Variants in MYH14 observed in about 807,000 individuals in gnomAD.
MYH14 encodes the protein myosin heavy chain 14.
Under a neutral mutation model 255.5 loss-of-function variants are expected in MYH14, and 123 were observed. The ratio of observed to expected loss-of-function variants is 0.48; its 90% CI spans 0.42 to 0.56. The LOEUF (loss-of-function observed/expected upper bound fraction) is 0.56. MYH14 is among the 20% of genes least tolerant of loss of function. The pLI is 0.00. For synonymous variants in MYH14, 1,095 were observed against 1,161.2 expected, an observed-to-expected ratio of 0.94 and a Z score of 1.16; for missense variants, 2,423 against 2,802.3, an observed-to-expected ratio of 0.86 and a Z score of 3.06.
Position 50,250,488 on chromosome 19 carries a change from T to C in MYH14, c.1657-27T>C, listed in dbSNP as rs763143029. The C allele has an allele frequency of 6.2e-6, 10 of 1,605,594 alleles. No individual in the cohort carries two copies. The South Asian group carries it at 1.1e-4, about 18-fold the overall frequency. On this transcript the variant is annotated intron_variant, in intron 14 of 42. Coordinates refer to ENST00000642316, the MANE Select transcript of MYH14 (RefSeq NM_001145809.2). The surrounding 1 kb of genome is among the most constrained non-coding windows in gnomAD (Gnocchi z 5.4). Reference sequence around the variant, plus strand: ...GTGTCCAATATGTGGGGATCTGACTTACTCTCCCCCTGCTGTCAATGGCCA... The same window carrying C: ...GTGTCCAATATGTGGGGATCTGACTCACTCTCCCCCTGCTGTCAATGGCCA...
intron 10 of MYH14, among the ~76,000 whole-genome samples, chr19:50,237,327 A>ATTTT (rs113618588): frequency 7.0e-6 from 1 of 142,406 alleles, no homozygotes. Flanking sequence ...AGGTGTGAAC[A>ATTTT]TTTTTTTTTT....
intron 18 of MYH14, among the ~76,000 whole-genome samples, chr19:50,257,939 T>A (rs2034652276): frequency 6.6e-6 from 1 of 152,066 alleles, no homozygotes; most frequent in African/African-American, 2.4e-5. Flanking sequence ...GAAGAGTTTG[T>A]ACAAAGGCCC....
rs368365838 is a variant in MYH14 at position 50,242,190 on chromosome 19, A to C, written c.1115-2052A>C. Among the ~76,000 whole-genome samples the C allele has an allele frequency of 4.9e-4, 74 of 152,260 alleles. 1 individual carries two copies. The South Asian group carries it at 0.014, about 29-fold the overall frequency. On this transcript the variant is annotated intron_variant, in intron 10 of 42. Coordinates refer to ENST00000642316, the MANE Select transcript of MYH14 (RefSeq NM_001145809.2). ...TCCACAAGTTCCTGAGACATATTCT[A>C]GGGGGCAGCACTACCCACTTCCAAT...
At chr19:50,302,676 A>G (rs1046393955) in intron 40 of MYH14, among the ~76,000 whole-genome samples, 19 of 152,062 alleles carry the variant, frequency 1.2e-4, no homozygotes, top group African/African-American at 4.6e-4. Flanking sequence ...TGAGGCGGGC[A>G]GATCACCTGA....
intron 34 of MYH14, among the ~76,000 whole-genome samples, chr19:50,287,675 A>C (rs1209105126): frequency 6.6e-6 from 1 of 152,150 alleles, no homozygotes; most frequent in Non-Finnish European, 1.5e-5. Context: ...AGCCTCCCTA[A>C]GCATTGGGAT....
chr19:50,267,623 A>AAATAATAATAATAATAATAATAAT (rs56141769), intron 23 of MYH14, among the ~76,000 whole-genome samples: 3,090 of 149,128 alleles, frequency 0.021, 40 homozygotes, highest in East Asian at 0.074. Context: ...TCTGTCTCAA[A>AAATAATAATAATAATAATAATAAT]AATAATAATA....
At position 50,239,568 on chromosome 19, in the gene MYH14, G is replaced by A. The variant is rs532507571; in HGVS notation, c.1115-4674G>A. The stretch of plus-strand genomic sequence containing the variant: ...ACCTTTTTCTTTTTCTTCTTTTTTT[G>A]AGACAGTGTCTCACTCTGTCACCCA... On this transcript the variant is annotated intron_variant, in intron 10 of 42. Transcript: ENST00000642316. Among the ~76,000 whole-genome samples the A allele has an allele frequency of 1.1e-4, 17 of 150,654 alleles. No individual in the cohort carries two copies. The South Asian group carries it at 2.1e-3, about 19-fold the overall frequency.
At chr19:50,257,548 G>A (rs540599318) in intron 18 of MYH14, 62 bp downstream of exon 18, 484 of 1,489,946 alleles carry the variant, frequency 3.2e-4, no homozygotes, top group Middle Eastern at 6.8e-4. Flanking sequence ...TTTGGCCTCT[G>A]GACTTGGCTG....
intron 6 of MYH14, 87 bp from the exon 7 acceptor site, chr19:50,225,498 T>C (rs2123211911): frequency 1.0e-6 from 1 of 984,588 alleles, no homozygotes; most frequent in Non-Finnish European, 1.6e-6. Flanking sequence ...AGATACTCAG[T>C]CAGCTGGAGA....
At chr19:50,222,021 C>T (rs922539001) in intron 3 of MYH14, among the ~76,000 whole-genome samples, 12 of 152,090 alleles carry the variant, frequency 7.9e-5, no homozygotes, top group Admixed American at 4.6e-4. Flanking sequence ...GATTCTTTGT[C>T]GTGGGAGGCT....
At position 50,250,583 on chromosome 19, in the gene MYH14, G is replaced by C. The variant is rs751876589; in HGVS notation, c.1725G>C (p.Ser575=). 1 of 1,614,066 alleles carries C rather than the reference G, an allele frequency of 6.2e-7. No homozygotes were observed. The highest frequency in any genetic ancestry group is 8.5e-7 in the Non-Finnish European group (1 of 1,179,964). Residue 575 remains serine, a synonymous_variant, in exon 15 of 43, where the codon TCG becomes TCC. Transcript: ENST00000642316. This position sits in a 1 kb window ranked among gnomAD's most constrained non-coding sequence, Gnocchi z 5.4. ...GGTTCCCGAAGGCCACAGACAAGTC[G>C]TTTGTGGAGAAGGTAGCCCAGGAGC... The part of the protein sequence containing the change: ...ECWFPKATDK[S]FVEKVAQEQG...
rs149221129 is a variant in MYH14, at chr19:50,247,068, C to T, written c.1275C>T (p.Thr425=). The T allele has an allele frequency of 1.8e-4, 285 of 1,613,566 alleles. No homozygotes were observed. The African/African-American group carries it at 3.5e-3, about 20-fold the overall frequency. The change falls in exon 12 of 43, where the codon ACC becomes ACT. Residue 425 remains threonine (T), a synonymous_variant. Transcript: ENST00000642316. ...CGGATTTCTCCCGAGCCTTGCTCAC[C>T]CCTCGCATCAAAGTTGGCCGAGACT... ...GVTDFSRALL[T]PRIKVGRDYV...
intron 42 of MYH14, 67 bp from the exon 43 acceptor site, chr19:50,309,573 C>T: frequency 1.0e-6 from 1 of 992,064 alleles, no homozygotes. Context: ...TCTCTCTCTC[C>T]TCCCCCTTTC....
At chr19:50,246,743 G>A (rs73932444) in intron 11 of MYH14, among the ~76,000 whole-genome samples, 10 of 152,270 alleles carry the variant, frequency 6.6e-5, no homozygotes, top group African/African-American at 2.2e-4. Flanking sequence ...AGCTTTCTCC[G>A]ATTATAAACA....
At chr19:50,256,749 AT>A (rs1323788260) in intron 17 of MYH14, among the ~76,000 whole-genome samples, 3 of 152,250 alleles carry the variant, frequency 2.0e-5, no homozygotes, top group Non-Finnish European at 4.4e-5. Context: ...CCTATTTCAA[AT>A]ATTGCATATA....
intron 2 of MYH14, among the ~76,000 whole-genome samples, chr19:50,214,899 G>C (rs2032390671): frequency 1.3e-5 from 2 of 152,166 alleles, no homozygotes; most frequent in African/African-American, 2.4e-5. Context: ...CGGCCTGGCT[G>C]GTTTTTATCC....
rs2035724005 is a variant in MYH14, at chr19:50,281,637, T to G, written c.4334T>G (p.Leu1445Arg). The G allele has an allele frequency of 6.2e-7, 1 of 1,605,090 alleles. No homozygotes were observed. Among genetic ancestry groups the G allele is most frequent in the Admixed American group, 1.7e-5 (1 of 59,524 alleles). ...RRRQEEEAGA[L>R]EAGEEARRRA... ...CGCCAGGAGGAGGAGGCAGGGGCACTGGAGGCAGGGGAGGAGGCACGGCGC... is the reference window on the plus strand; with the variant it reads ...CGCCAGGAGGAGGAGGCAGGGGCACGGGAGGCAGGGGAGGAGGCACGGCGC... The change falls in exon 33 of 43, where the codon CTG (leucine) becomes CGG (arginine). Residue 1445 changes from leucine to arginine, a missense_variant. Leu to Arg is a moderately radical substitution (Grantham distance 102). This residue lies in a region of MYH14 where 1,513 missense variants were observed against 1,674.8 expected (regional missense o/e 0.90). Transcript: ENST00000642316.
rs373046667 is a variant in MYH14 at position 50,249,688 on chromosome 19, C to T, written c.1521C>T (p.Asn507=). 4 of 1,614,072 alleles carry T rather than the reference C, an allele frequency of 2.5e-6. No homozygotes were observed. The highest frequency in any genetic ancestry group is 2.2e-5 in the East Asian group (1 of 44,890). ...SFEQLCINYT[N]EKLQQLFNHT... ...AGCAGCTCTGCATCAACTACACCAA[C>T]GAGAAGCTGCAGCAGCTCTTCAACC... The change falls in exon 14 of 43, where the codon AAC becomes AAT. Residue 507 remains asparagine, a synonymous_variant. Coordinates refer to ENST00000642316, the MANE Select transcript of MYH14 (RefSeq NM_001145809.2).
At chr19:50,207,745 C>G (rs117868842) in intron 1 of MYH14, among the ~76,000 whole-genome samples, 2 of 152,198 alleles carry the variant, frequency 1.3e-5, no homozygotes, top group African/African-American at 4.8e-5. Flanking sequence ...GGTCAGGGAA[C>G]CTGAATGACA....
Sources: allele counts gnomAD v4.1 joint callset (sites outside exome capture counted in the v4.1 genomes callset), GRCh38; gene constraint gnomAD v4.1.1; regional missense constraint gnomAD v4.1.1; non-coding constraint Gnocchi (gnomAD v3.1); transcripts MANE v1.5; gene names NCBI Gene and HGNC (gene_info 2026-07-23, HGNC 2026-07-21).